The following ATP4B variants were observed in gnomAD, a reference collection of about 807,000 sequenced individuals.
ATP4B encodes potassium-transporting ATPase subunit beta.
ATP4B carries 27 observed loss-of-function variants against 35.3 expected under a neutral mutation model. The ratio of observed to expected loss-of-function variants is 0.76; its 90% confidence interval spans 0.56 to 1.05. The LOEUF (loss-of-function observed/expected upper bound fraction) is 1.05. Among genes scored for constraint, ATP4B ranks in the 50% least tolerant of loss-of-function variants. ATP4B has a pLI of 0.00. For missense variants in ATP4B, 375 were observed against 384.8 expected, an observed-to-expected ratio of 0.97 and a Z score of 0.21; for synonymous variants, 162 against 156.0, an observed-to-expected ratio of 1.04 and a Z score of -0.29.
rs1298520073 is a variant in ATP4B, at chr13:113,649,970, C to T, written c.715-435G>A. Among the ~76,000 whole-genome samples the T allele has an allele frequency of 1.3e-5, 2 of 152,062 alleles. No homozygotes were observed. Among genetic ancestry groups the T allele is most frequent in the Non-Finnish European group, 2.9e-5 (2 of 68,012 alleles). On this transcript the variant is annotated intron_variant, in intron 6 of 6. Coordinates refer to ENST00000335288, the MANE Select transcript of ATP4B (RefSeq NM_000705.4). This position sits in a 1 kb window ranked among gnomAD's most constrained non-coding sequence, Gnocchi z 4.7. ...TTCAGCCCAGGAGTTCAAGACCACC[C>T]TGGGCAACATACTGAGACCCTTTCT...
In ATP4B at chr13:113,649,482, G is replaced by A. The variant is rs138767272; in HGVS notation, c.768C>T (p.Asn256=). 275 of 1,555,410 alleles carry A rather than the reference G, an allele frequency of 1.8e-4. 1 individual carries two copies. The African/African-American group carries it at 2.3e-3, about 13-fold the overall frequency. Residue 256 remains asparagine (N), a synonymous_variant, in exon 7 of 7, where the codon AAC becomes AAT. Transcript: ENST00000335288. The surrounding 1 kb of genome is among the most constrained non-coding windows in gnomAD (Gnocchi z 4.7). The part of the protein sequence containing the change: ...VAAKLLNIPR[N]AEVAIVCKVM... ...CCTTGCACACGATGGCGACCTCAGC[G>A]TTCCTGGGGATGTTGAGGAGCTTCG... is the stretch of plus-strand genomic sequence containing the variant.
At position 113,654,947 on chromosome 13, in the gene ATP4B, G is replaced by A. The variant is rs151055632; in HGVS notation, c.113-5C>T. ...CGTAGTACAGGCTGATCCACACTGC[G>A]ACACAAGGCAGGCACAAAATTTACC... is the stretch of plus-strand genomic sequence containing the variant. On this transcript the variant is annotated splice_region_variant and splice_polypyrimidine_tract_variant and intron_variant, in intron 1 of 6. Transcript: ENST00000335288. 402 of 1,613,484 alleles carry A rather than the reference G, an allele frequency of 2.5e-4. 1 individual carries two copies. The African/African-American group carries it at 4.1e-3, about 16-fold the overall frequency.
At chr13:113,656,517 C>CT in intron 1 of ATP4B, among the ~76,000 whole-genome samples, 1 of 152,176 alleles carries the variant, frequency 6.6e-6, no homozygotes, top group East Asian at 1.9e-4. Flanking sequence ...TGGGCCCCCG[C>CT]TTGCACCACG....
intron 4 of ATP4B, among the ~76,000 whole-genome samples, chr13:113,652,066 C>A (rs956225492): frequency 3.3e-5 from 5 of 152,202 alleles, no homozygotes; most frequent in Non-Finnish European, 7.4e-5. Context: ...AGAGCACGGG[C>A]CGGCCTGCCT....
At chr13:113,651,643 G>C (rs1456200902) in intron 5 of ATP4B, 28 bp downstream of exon 5, 2 of 1,582,954 alleles carry the variant, frequency 1.3e-6, no homozygotes, top group Non-Finnish European at 8.6e-7. Context: ...TCCTGGGGCA[G>C]CCCTGCCCGC....
chr13:113,652,772 C>A, intron 4 of ATP4B, 101 bp downstream of exon 4: 1 of 1,400,068 alleles, frequency 7.1e-7, no homozygotes, highest in Non-Finnish European at 9.9e-7. Flanking sequence ...CCCGCTTGGG[C>A]AAGCCCCAGA....
chr13:113,651,630 C>G, intron 5 of ATP4B, 41 bp downstream of exon 5: 1 of 1,555,010 alleles, frequency 6.4e-7, no homozygotes, highest in Non-Finnish European at 8.7e-7. Context: ...TGACAAGCTC[C>G]TTTCCTGGGG....
At chr13:113,656,521 C>T (rs538821970) in intron 1 of ATP4B, among the ~76,000 whole-genome samples, 1 of 152,282 alleles carries the variant, frequency 6.6e-6, no homozygotes, top group African/African-American at 2.4e-5. Context: ...CCCCCGCTTG[C>T]ACCACGGTGT....
At chr13:113,655,362 G>T (rs2049745923) in intron 1 of ATP4B, among the ~76,000 whole-genome samples, 1 of 152,334 alleles carries the variant, frequency 6.6e-6, no homozygotes, top group East Asian at 1.9e-4. Flanking sequence ...CCTGCCCATG[G>T]TGACCCATAG....
Position 113,650,164 on chromosome 13 carries a change from GTC to G in ATP4B, c.714+240_714+241del, listed in dbSNP as rs2049700456. On this transcript the variant is annotated intron_variant, in intron 6 of 6. Transcript: ENST00000335288. The surrounding 1 kb of genome is among the most constrained non-coding windows in gnomAD (Gnocchi z 5.0). ...CCACCCTGGGTGACAGAGCAAGACTGTCTCAAAAAAAAAAAAAAAAGTTGAAG... is the reference window on the plus strand; with the variant it reads ...CCACCCTGGGTGACAGAGCAAGACTGTCAAAAAAAAAAAAAAAAGTTGAAG... Among the ~76,000 whole-genome samples, 2 of 144,156 alleles carry G rather than the reference GTC, an allele frequency of 1.4e-5. No individual in the cohort carries two copies. Among genetic ancestry groups the G allele is most frequent in the Admixed American group, 1.4e-4 (2 of 14,662 alleles). 94.6% of individuals were successfully genotyped at this position (144,156 alleles called of 152,430 possible). A position where few individuals can be genotyped will look rare whatever the true frequency, so the allele number is the denominator to read the frequency against.
At chr13:113,653,123 G>T in intron 3 of ATP4B, 51 bp from the exon 4 acceptor site, 6 of 1,571,340 alleles carry the variant, frequency 3.8e-6, no homozygotes, top group Non-Finnish European at 5.2e-6. Flanking sequence ...CCTGACGCCT[G>T]GCTGCCCCCC....
rs180919171 is a variant in ATP4B, at chr13:113,657,299, C to T, written c.112+734G>A. On this transcript the variant is annotated intron_variant, in intron 1 of 6. Coordinates refer to ENST00000335288, the MANE Select transcript of ATP4B (RefSeq NM_000705.4). Reference sequence around the variant, plus strand: ...CAGGCCAGCCAGTTCAGCCGCATCCCGACGCCCAGGGGTCGCAGGGGGAGG... The same window carrying T: ...CAGGCCAGCCAGTTCAGCCGCATCCTGACGCCCAGGGGTCGCAGGGGGAGG... 2.1e-3 allele frequency among the ~76,000 whole-genome samples: 326 copies of T among 152,318 alleles called. 3 individuals are homozygous for T. The highest frequency in any genetic ancestry group is 7.1e-3 in the African/African-American group (294 of 41,574).
chr13:113,653,681 G>GCTGGCTCTCTCCACCGGGTGC, intron 2 of ATP4B, among the ~76,000 whole-genome samples: 1 of 152,338 alleles, frequency 6.6e-6, no homozygotes, highest in Non-Finnish European at 1.5e-5. Flanking sequence ...GTGGGGGGTG[G>GCTGGCTCTCTCCACCGGGTGC]CTGGCTCTCT....
Position 113,649,609 on chromosome 13 carries a change from G to A in ATP4B, c.715-74C>T. ...TAAGGAGAGAAAACTAAGCAAGGAA[G>A]TGTCAACAGTCAGGTTGGTGCAGAG... On this transcript the variant is annotated intron_variant, in intron 6 of 6. Coordinates refer to ENST00000335288, the MANE Select transcript of ATP4B (RefSeq NM_000705.4). This position sits in a 1 kb window ranked among gnomAD's most constrained non-coding sequence, Gnocchi z 4.7. 1 of 1,426,510 alleles carries A rather than the reference G, an allele frequency of 7.0e-7. No homozygotes were observed. 88.4% of individuals were successfully genotyped at this position (1,426,510 alleles called of 1,614,324 possible).
Position 113,654,929 on chromosome 13 carries a change from C to T in ATP4B, c.126G>A (p.Leu42=). The part of the protein sequence containing the change: ...RTLSRWVWIS[L]YYVAFYVVMT... ...TCACCACGTAGAAGGCCACGTAGTACAGGCTGATCCACACTGCGACACAAG... is the reference window on the plus strand; with the variant it reads ...TCACCACGTAGAAGGCCACGTAGTATAGGCTGATCCACACTGCGACACAAG... Residue 42 remains leucine (L), a synonymous_variant, in exon 2 of 7, where the codon CTG becomes CTA. Transcript: ENST00000335288. 2 of 1,614,154 alleles carry T rather than the reference C, an allele frequency of 1.2e-6. 1 individual carries two copies. The highest frequency in any genetic ancestry group is 2.2e-5 in the South Asian group (2 of 91,074).
At position 113,653,373 on chromosome 13, in the gene ATP4B, A is replaced by C. The variant is rs747580982; in HGVS notation, c.303T>G (p.Ser101=). Residue 101 remains serine, a synonymous_variant, in exon 3 of 7, where the codon TCT becomes TCG. Transcript: ENST00000335288. ...EKGLEIVYNV[S]DNRTWADLTQ... ...TGAGGTCTGCCCAGGTTCTGTTATC[A>C]GAGACGTTGTAGACAATTTCCAGGC... The C allele has an allele frequency of 1.2e-6, 2 of 1,614,214 alleles. No individual in the cohort carries two copies. The highest frequency in any genetic ancestry group is 3.3e-5 in the Admixed American group (2 of 60,024).
rs2049691912 is a variant in ATP4B at position 113,649,135 on chromosome 13, C to T, written c.*239G>A. The T allele has an allele frequency of 8.1e-6, 3 of 371,448 alleles. No homozygotes were observed. In the East Asian group the frequency reaches 1.6e-4, roughly 19 times the overall value. 23.0% of individuals were successfully genotyped at this position (371,448 alleles called of 1,614,324 possible). On this transcript the variant is annotated 3_prime_UTR_variant, in exon 7 of 7. Transcript: ENST00000335288. The surrounding 1 kb of genome is among the most constrained non-coding windows in gnomAD (Gnocchi z 4.7). Reference sequence around the variant, plus strand: ...GCCTTGCGTTCCCATGGTAGCTGGACATTCTTATAGCAGCAAATTCCATCT... The same window carrying T: ...GCCTTGCGTTCCCATGGTAGCTGGATATTCTTATAGCAGCAAATTCCATCT...
chr13:113,652,731 A>G, intron 4 of ATP4B, 142 bp downstream of exon 4: 3 of 943,726 alleles, frequency 3.2e-6, no homozygotes, highest in South Asian at 2.8e-5. Flanking sequence ...TGCCAAACCA[A>G]GGTACAGGGT....
In ATP4B at chr13:113,649,424, G is replaced by A; in HGVS notation, c.826C>T (p.His276Tyr). ...TCCACTTTCCCTTCATACGGGTCGTGGGGATTGTTGAAGGTCACGTGCTCC... is the reference window on the plus strand; with the variant it reads ...TCCACTTTCCCTTCATACGGGTCGTAGGGATTGTTGAAGGTCACGTGCTCC... ...MAEHVTFNNP[H>Y]DPYEGKVEFK... Residue 276 changes from histidine (H) to tyrosine (Y), a missense_variant, in exon 7 of 7, where the codon CAC (histidine) becomes TAC (tyrosine). By Grantham distance (83) the His-to-Tyr change is moderately conservative. Transcript: ENST00000335288. The surrounding 1 kb of genome is among the most constrained non-coding windows in gnomAD (Gnocchi z 4.7). 1 of 1,587,444 alleles carries A rather than the reference G, an allele frequency of 6.3e-7. No homozygotes were observed. Among genetic ancestry groups the A allele is most frequent in the South Asian group, 1.1e-5 (1 of 87,548 alleles).
Sources: gnomAD v4.1 joint callset for allele counts (sites outside exome capture counted in the v4.1 genomes callset) on GRCh38, gnomAD v4.1.1 for gene constraint, Gnocchi (gnomAD v3.1) non-coding constraint, MANE v1.5 for transcripts, NCBI Gene and HGNC (gene_info 2026-07-23, HGNC 2026-07-21) for gene names.